The following EDC4 variants were observed in gnomAD, a reference collection of about 807,000 sequenced individuals.
EDC4 encodes the protein enhancer of mRNA-decapping protein 4.
In EDC4, 64 loss-of-function variants were observed where a neutral mutation model predicts 155.8. The ratio of observed to expected loss-of-function variants is 0.41; its 90% CI spans 0.34 to 0.51. The LOEUF is 0.51. Ranked by LOEUF, EDC4 falls within the 20% of genes least tolerant of loss-of-function variation. EDC4 has a pLI of 0.19. For missense variants in EDC4, 1,303 were observed against 1,812.5 expected, an observed-to-expected ratio of 0.72 and a Z score of 5.10; for synonymous variants, 684 against 716.8, an observed-to-expected ratio of 0.95 and a Z score of 0.73.
Position 67,876,717 on chromosome 16 carries a change from G to A in EDC4, c.351+118G>A, listed in dbSNP as rs1210133431. The stretch of plus-strand genomic sequence containing the variant: ...CTTGACACTTTCCCAGTTTCAGGAA[G>A]CCAGGGCTGGGTGCCAAGCCTCTGT... On this transcript the variant is annotated intron_variant, in intron 3 of 28. Transcript: ENST00000358933. The surrounding 1 kb of genome is among the most constrained non-coding windows in gnomAD (Gnocchi z 5.8). The A allele has an allele frequency of 2.6e-6, 4 of 1,554,712 alleles. No individual in the cohort carries two copies. In the East Asian group the frequency reaches 9.0e-5, roughly 35 times the overall value.
Position 67,877,959 on chromosome 16 carries a change from T to G in EDC4, c.894+114T>G. ...TTACTAGCATTCTGCCCGTGGGGACTCTGAGCTCAAATTGGCCCTCACCTG... is the reference window on the plus strand; with the variant it reads ...TTACTAGCATTCTGCCCGTGGGGACGCTGAGCTCAAATTGGCCCTCACCTG... On this transcript the variant is annotated intron_variant, in intron 7 of 28. Coordinates refer to ENST00000358933, the MANE Select transcript of EDC4 (RefSeq NM_014329.5). This position sits in a 1 kb window ranked among gnomAD's most constrained non-coding sequence, Gnocchi z 4.9. 6.6e-7 allele frequency: 1 copy of G among 1,522,262 alleles called. No individual in the cohort carries two copies. Among genetic ancestry groups the G allele is most frequent in the Non-Finnish European group, 8.9e-7 (1 of 1,126,324 alleles). The allele number at this position is 1,522,262 out of a possible 1,614,324, so 94.3% of individuals were successfully genotyped here. A position where few individuals can be genotyped will look rare whatever the true frequency, so the allele number is the denominator to read the frequency against.
In EDC4 at chr16:67,884,327, G is replaced by A. The variant is rs2058084061; in HGVS notation, c.*179G>A. On this transcript the variant is annotated 3_prime_UTR_variant, in exon 29 of 29. Transcript: ENST00000358933. This position sits in a 1 kb window ranked among gnomAD's most constrained non-coding sequence, Gnocchi z 4.1. ...CAGCGTGTGGTAGTCAGAAGGTTTAGCTGGGCCCAGGGCAGGTATTGCGCC... is the reference window on the plus strand; with the variant it reads ...CAGCGTGTGGTAGTCAGAAGGTTTAACTGGGCCCAGGGCAGGTATTGCGCC... The A allele has an allele frequency of 1.6e-6, 1 of 622,048 alleles. No homozygotes were observed. Among genetic ancestry groups the A allele is most frequent in the South Asian group, 2.2e-5 (1 of 44,618 alleles). The allele number at this position is 622,048 out of a possible 1,614,324, so 38.5% of individuals were successfully genotyped here. A position where few individuals can be genotyped will look rare whatever the true frequency, so the allele number is the denominator to read the frequency against.
rs1427068197 is a variant in EDC4, at chr16:67,877,292, C to A, written c.527C>A (p.Thr176Lys). 1 of 1,614,212 alleles carries A rather than the reference C, an allele frequency of 6.2e-7. No homozygotes were observed. Among genetic ancestry groups the A allele is most frequent in the Non-Finnish European group, 8.5e-7 (1 of 1,180,046 alleles). ...TSERTLLKGF[T>K]GSVADLAFAH... ...GAGCGGACCTTGCTCAAGGGCTTCA[C>A]AGGCAGTGTGGCTGATCTGGCTTTC... The change falls in exon 5 of 29, where the codon ACA becomes AAA. Residue 176 changes from threonine (T) to lysine (K), a missense_variant. Physicochemically the swap from Thr to Lys is moderately conservative, Grantham distance 78 (BLOSUM62 -1). Transcript: ENST00000358933. This position sits in a 1 kb window ranked among gnomAD's most constrained non-coding sequence, Gnocchi z 4.9.
rs1186932364 is a variant in EDC4 at position 67,876,215 on chromosome 16, A to AGG, written c.239+114_239+115insGG. 29 of 1,259,818 alleles carry AGG rather than the reference A, an allele frequency of 2.3e-5. No individual in the cohort carries two copies. The Admixed American group carries it at 5.8e-4, about 25-fold the overall frequency. The allele number at this position is 1,259,818 out of a possible 1,614,324, so 78.0% of individuals were successfully genotyped here. A position where few individuals can be genotyped will look rare whatever the true frequency, so the allele number is the denominator to read the frequency against. ...GCAGCCTCTGCTGCTTCCTCTCTAGATGACCTGGGGTGGAGCTTGAGCTTG... is the reference window on the plus strand; with the variant it reads ...GCAGCCTCTGCTGCTTCCTCTCTAGAGGTGACCTGGGGTGGAGCTTGAGCTTG... On this transcript the variant is annotated intron_variant, in intron 2 of 28. Coordinates refer to ENST00000358933, the MANE Select transcript of EDC4 (RefSeq NM_014329.5). The surrounding 1 kb of genome is among the most constrained non-coding windows in gnomAD (Gnocchi z 5.8).
chr16:67,879,041 C>T lies in EDC4; in HGVS notation c.1372C>T (p.Pro458Ser), dbSNP rs1264985861. 1 of 1,612,992 alleles carries T rather than the reference C, an allele frequency of 6.2e-7. No homozygotes were observed. Among genetic ancestry groups the T allele is most frequent in the Non-Finnish European group, 8.5e-7 (1 of 1,180,004 alleles). The change falls in exon 12 of 29, where the codon CCT (proline) becomes TCT (serine). Residue 458 changes from proline (P) to serine (S), a missense_variant. Around this residue, in one of 5 missense-constraint regions of EDC4, gnomAD observed 235 missense variants for 367.7 expected, o/e 0.64. Coordinates refer to ENST00000358933, the MANE Select transcript of EDC4 (RefSeq NM_014329.5). This position sits in a 1 kb window ranked among gnomAD's most constrained non-coding sequence, Gnocchi z 6.0. ...CATCTCGGAGTTCCTGCTCACCCACCCTGTGCTGAGCTTTGGTATCCAGGT... is the reference window on the plus strand; with the variant it reads ...CATCTCGGAGTTCCTGCTCACCCACTCTGTGCTGAGCTTTGGTATCCAGGT... ...SSISEFLLTH[P>S]VLSFGIQVVS...
In EDC4 at chr16:67,877,945, C is replaced by T; in HGVS notation, c.894+100C>T. ...CTGCCCGGGCAGCTTTACTAGCATT[C>T]TGCCCGTGGGGACTCTGAGCTCAAA... On this transcript the variant is annotated intron_variant, in intron 7 of 28. Transcript: ENST00000358933. This position sits in a 1 kb window ranked among gnomAD's most constrained non-coding sequence, Gnocchi z 4.9. The T allele has an allele frequency of 1.9e-6, 3 of 1,542,226 alleles. No homozygotes were observed. The highest frequency in any genetic ancestry group is 4.8e-5 in the East Asian group (2 of 41,742).
In EDC4 at chr16:67,878,768, G is replaced by A. The variant is rs2058052284; in HGVS notation, c.1216G>A (p.Val406Met). The part of the protein sequence containing the change: ...FSPDIFSSVS[V>M]PPSLKVCLDL... ...CCCAGATATCTTCAGCTCAGTGAGT[G>A]TGCCCCCTAGCCTCAAGGTTTGCTT... Residue 406 changes from valine to methionine, a missense_variant, in exon 11 of 29, where the codon GTG (valine) becomes ATG (methionine). Coordinates refer to ENST00000358933, the MANE Select transcript of EDC4 (RefSeq NM_014329.5). The surrounding 1 kb of genome is among the most constrained non-coding windows in gnomAD (Gnocchi z 5.2). 4 of 1,614,142 alleles carry A rather than the reference G, an allele frequency of 2.5e-6. No individual in the cohort carries two copies. Among genetic ancestry groups the A allele is most frequent in the Non-Finnish European group, 2.5e-6 (3 of 1,180,038 alleles).
At position 67,882,045 on chromosome 16, in the gene EDC4, G is replaced by A. The variant is rs1261438296; in HGVS notation, c.3096G>A (p.Ser1032=). 1.1e-5 allele frequency: 18 copies of A among 1,612,900 alleles called. No individual in the cohort carries two copies. The highest frequency in any genetic ancestry group is 4.5e-5 in the East Asian group (2 of 44,888). The change falls in exon 23 of 29, where the codon TCG becomes TCA. Residue 1032 remains serine (S), a synonymous_variant. Transcript: ENST00000358933. This position sits in a 1 kb window ranked among gnomAD's most constrained non-coding sequence, Gnocchi z 7.2. The part of the protein sequence containing the change: ...QLTQQLSQAL[S]SAVAGRLERS... ...CACAACAGTTGTCCCAAGCACTGTC[G>A]TCAGCTGTAGCTGGGCGGCTAGAGC... is the stretch of plus-strand genomic sequence containing the variant.
Position 67,879,760 on chromosome 16 carries a change from G to T in EDC4, c.1807G>T (p.Ala603Ser). The T allele has an allele frequency of 1.9e-6, 3 of 1,614,076 alleles. No individual in the cohort carries two copies. The highest frequency in any genetic ancestry group is 2.5e-6 in the Non-Finnish European group (3 of 1,179,998). The change falls in exon 15 of 29, where the codon GCC (alanine) becomes TCC (serine). Residue 603 changes from alanine to serine, a missense_variant. Ala to Ser is a moderately conservative substitution (Grantham distance 99, BLOSUM62 1). Transcript: ENST00000358933. The surrounding 1 kb of genome is among the most constrained non-coding windows in gnomAD (Gnocchi z 6.0). ...MTPDAFMTPS[A>S]SLQQITASPS... ...ACCTGACGCCTTCATGACACCTAGC[G>T]CCTCCTTGCAGCAGGTACTCTCCCA... is the stretch of plus-strand genomic sequence containing the variant.
At chr16:67,875,891 G>T in intron 1 of EDC4, 54 bp from the exon 2 acceptor site, 1 of 1,578,310 alleles carries the variant, frequency 6.3e-7, no homozygotes. Context: ...TGAAAGGGGA[G>T]AGGCTTGTGG....
chr16:67,883,447 G>A lies in EDC4; in HGVS notation c.3850-121G>A. The A allele has an allele frequency of 2.7e-6, 4 of 1,460,600 alleles. No individual in the cohort carries two copies. Among genetic ancestry groups the A allele is most frequent in the Non-Finnish European group, 3.7e-6 (4 of 1,073,700 alleles). 90.5% of individuals were successfully genotyped at this position (1,460,600 alleles called of 1,614,324 possible). ...ACACAGCCCTACAGGCTCTCTCTGAGTCCCTCTGGAGCTCTCACTAGCCCA... is the reference window on the plus strand; with the variant it reads ...ACACAGCCCTACAGGCTCTCTCTGAATCCCTCTGGAGCTCTCACTAGCCCA... On this transcript the variant is annotated intron_variant, in intron 27 of 28. Transcript: ENST00000358933. This position sits in a 1 kb window ranked among gnomAD's most constrained non-coding sequence, Gnocchi z 5.3.
chr16:67,873,419 C>G lies in EDC4; in HGVS notation c.82+76C>G, dbSNP rs955996300. 4.3e-6 allele frequency: 5 copies of G among 1,163,958 alleles called. No individual in the cohort carries two copies. The African/African-American group carries it at 6.5e-5, about 15-fold the overall frequency. The allele number at this position is 1,163,958 out of a possible 1,614,324, so 72.1% of individuals were successfully genotyped here. ...CGCGCGTCTGAACCGCCATTGGGGC[C>G]CACAGCTCCCTTAGGACTAGCTCTG... On this transcript the variant is annotated intron_variant, in intron 1 of 28. Coordinates refer to ENST00000358933, the MANE Select transcript of EDC4 (RefSeq NM_014329.5).
chr16:67,874,505 C>G (rs1233042255), intron 1 of EDC4, among the ~76,000 whole-genome samples: 1 of 152,214 alleles, frequency 6.6e-6, no homozygotes, highest in Non-Finnish European at 1.5e-5. Context: ...TGGACCTCTC[C>G]TGCTGCTCAG....
In EDC4 at chr16:67,878,718, CT is replaced by C; in HGVS notation, c.1185-18del. ...CCTTCAGTTCTCAGGCTCATTCACT[CT>C]GCTTTGTGGCTCTCTAGCTTCTCCC... On this transcript the variant is annotated intron_variant, in intron 10 of 28. Coordinates refer to ENST00000358933, the MANE Select transcript of EDC4 (RefSeq NM_014329.5). This position sits in a 1 kb window ranked among gnomAD's most constrained non-coding sequence, Gnocchi z 5.2. 6.2e-7 allele frequency: 1 copy of C among 1,614,200 alleles called. No individual in the cohort carries two copies. Among genetic ancestry groups the C allele is most frequent in the South Asian group, 1.1e-5 (1 of 91,084 alleles).
At position 67,877,451 on chromosome 16, in the gene EDC4, C is replaced by G. The variant is rs756978960; in HGVS notation, c.641+45C>G. 1.2e-6 allele frequency: 2 copies of G among 1,609,956 alleles called. No individual in the cohort carries two copies. The highest frequency in any genetic ancestry group is 2.7e-5 in the African/African-American group (2 of 74,820). ...GGTGGTGGGACTGAAGAAGGGTGGGCGGAGCTGGGGTGTCACGCCTCTTCA... is the reference window on the plus strand; with the variant it reads ...GGTGGTGGGACTGAAGAAGGGTGGGGGGAGCTGGGGTGTCACGCCTCTTCA... On this transcript the variant is annotated intron_variant, in intron 5 of 28. Transcript: ENST00000358933. The surrounding 1 kb of genome is among the most constrained non-coding windows in gnomAD (Gnocchi z 4.9).
chr16:67,875,744 G>A (rs1275992587), intron 1 of EDC4: 3 of 1,377,854 alleles, frequency 2.2e-6, no homozygotes, highest in Non-Finnish European at 2.8e-6. Context: ...CCAGGTAGAA[G>A]AGCCTCATGC....
Position 67,878,656 on chromosome 16 carries a change from G to T in EDC4, c.1184+25G>T. 1 of 1,614,194 alleles carries T rather than the reference G, an allele frequency of 6.2e-7. No individual in the cohort carries two copies. Among genetic ancestry groups the T allele is most frequent in the Non-Finnish European group, 8.5e-7 (1 of 1,180,040 alleles). On this transcript the variant is annotated intron_variant, in intron 10 of 28. Transcript: ENST00000358933. This position sits in a 1 kb window ranked among gnomAD's most constrained non-coding sequence, Gnocchi z 5.2. ...GGTAAGCAGTGGCTGGAAGGCTGGG[G>T]GACTGGGCAGGGGCGGCAGGGTTGG...
In EDC4 at chr16:67,881,815, C is replaced by T. The variant is rs1417369618; in HGVS notation, c.2974C>T (p.Arg992Cys). ...LQSTVTGHVE[R>C]ALETRHEQEQ... The stretch of plus-strand genomic sequence containing the variant: ...GAGCACAGTCACAGGCCACGTAGAA[C>T]GTGCCCTTGAGACTCGGCACGAGCA... Residue 992 changes from arginine to cysteine, a missense_variant, in exon 22 of 29, where the codon CGT becomes TGT. By Grantham distance (180) the Arg-to-Cys change is radical. This residue lies in a region of EDC4 where 527 missense variants were observed against 757.0 expected (regional missense o/e 0.70). Coordinates refer to ENST00000358933, the MANE Select transcript of EDC4 (RefSeq NM_014329.5). The surrounding 1 kb of genome is among the most constrained non-coding windows in gnomAD (Gnocchi z 5.4). The T allele has an allele frequency of 1.2e-6, 2 of 1,613,918 alleles. No individual in the cohort carries two copies. The highest frequency in any genetic ancestry group is 1.7e-6 in the Non-Finnish European group (2 of 1,179,814).
In EDC4 at chr16:67,878,493, G is replaced by A; in HGVS notation, c.1089-43G>A. The A allele has an allele frequency of 6.2e-7, 1 of 1,614,208 alleles. No individual in the cohort carries two copies. The highest frequency in any genetic ancestry group is 8.5e-7 in the Non-Finnish European group (1 of 1,180,028). On this transcript the variant is annotated intron_variant, in intron 9 of 28. Transcript: ENST00000358933. The surrounding 1 kb of genome is among the most constrained non-coding windows in gnomAD (Gnocchi z 5.2). ...GTGGTGGGCTGGACCATGGCTCCCAGCAGGGGCCCCAGCCAGTCACTCACT... is the reference window on the plus strand; with the variant it reads ...GTGGTGGGCTGGACCATGGCTCCCAACAGGGGCCCCAGCCAGTCACTCACT...
Sources: allele counts gnomAD v4.1 joint callset (sites outside exome capture counted in the v4.1 genomes callset), GRCh38; gene constraint gnomAD v4.1.1; regional missense constraint gnomAD v4.1.1; non-coding constraint Gnocchi (gnomAD v3.1); transcripts MANE v1.5; gene names NCBI Gene and HGNC (gene_info 2026-07-23, HGNC 2026-07-21).